ACSL5: variants seen among roughly 807,000 people sequenced by gnomAD.
The protein encoded by ACSL5 is acyl-CoA synthetase long chain family member 5.
ACSL5 carries 50 observed loss-of-function variants against 84.9 expected under a neutral mutation model. The ratio of observed to expected loss-of-function variants is 0.59; its 90% CI spans 0.47 to 0.75. The LOEUF is 0.75. Among genes scored for constraint, ACSL5 ranks in the 30% least tolerant of loss-of-function variants. ACSL5 has a pLI of 0.00. For synonymous variants in ACSL5, 280 were observed against 300.7 expected, an observed-to-expected ratio of 0.93 and a Z score of 0.71; for missense variants, 775 against 830.4, an observed-to-expected ratio of 0.93 and a Z score of 0.82.
chr10:112,405,189 G>A (rs1027518214), intron 5 of ACSL5, among the ~76,000 whole-genome samples: 2 of 152,170 alleles, frequency 1.3e-5, no homozygotes, highest in Admixed American at 6.5e-5. Flanking sequence ...AGTAAATTCA[G>A]CCATTCATTG....
chr10:112,386,445 C>G (rs1045209542), intron 1 of ACSL5, among the ~76,000 whole-genome samples: 1 of 151,988 alleles, frequency 6.6e-6, no homozygotes, highest in Non-Finnish European at 1.5e-5. Context: ...CCGCCCGCCT[C>G]GGCCTTCCAA....
At chr10:112,417,055 A>T (rs1008254855) in intron 13 of ACSL5, 33 bp downstream of exon 13, 2 of 1,603,264 alleles carry the variant, frequency 1.2e-6, no homozygotes, top group Non-Finnish European at 1.7e-6. Flanking sequence ...TGAAGCAGGC[A>T]AATACCTGGG....
At chr10:112,395,745 C>T (rs994863433) in intron 2 of ACSL5, 2 of 152,276 alleles carry the variant, frequency 1.3e-5, no homozygotes, top group Non-Finnish European at 1.5e-5. Flanking sequence ...TCCTTCTGCG[C>T]CCATGAATAT....
intron 1 of ACSL5, among the ~76,000 whole-genome samples, chr10:112,387,884 AT>A (rs1294579824): frequency 2.0e-5 from 3 of 152,124 alleles, no homozygotes; most frequent in African/African-American, 4.8e-5. Flanking sequence ...GCACAAAAAA[AT>A]AATAGTTCTC....
intron 1 of ACSL5, among the ~76,000 whole-genome samples, chr10:112,390,749 G>A (rs1849544984): frequency 6.6e-6 from 1 of 151,944 alleles, no homozygotes; most frequent in African/African-American, 2.4e-5. Flanking sequence ...AAAAAGAAAC[G>A]AAGTACAGAC....
chr10:112,419,996 T>C (rs980156193), intron 14 of ACSL5: 2 of 152,218 alleles, frequency 1.3e-5, no homozygotes, highest in African/African-American at 4.8e-5. Context: ...CAACCAACCA[T>C]GCAGAGCATG....
intron 1 of ACSL5, among the ~76,000 whole-genome samples, chr10:112,394,142 C>G (rs1424347327): frequency 1.3e-5 from 2 of 152,168 alleles, no homozygotes; most frequent in African/African-American, 4.8e-5. Flanking sequence ...ATAAGAAAGG[C>G]TGGTTTAGGG....
At chr10:112,401,849 TTCCTTC>T (rs1203245090) in intron 3 of ACSL5, among the ~76,000 whole-genome samples, 43 of 147,416 alleles carry the variant, frequency 2.9e-4, no homozygotes, top group African/African-American at 9.4e-4. Context: ...TCTTCCTTCC[TTCCTTC>T]CTTTCTTTCT....
At chr10:112,392,740 CA>C (rs566503761) in intron 1 of ACSL5, among the ~76,000 whole-genome samples, 1,835 of 117,026 alleles carry the variant, frequency 0.016, 33 homozygotes, top group African/African-American at 0.056. Context: ...GATTCTGTCT[CA>C]AAAAAAAAAA....
At chr10:112,374,873 G>A (rs1849208364) in intron 1 of ACSL5, among the ~76,000 whole-genome samples, 1 of 152,146 alleles carries the variant, frequency 6.6e-6, no homozygotes, top group African/African-American at 2.4e-5. Context: ...TGATTGGTCA[G>A]TTTCCACAGC....
chr10:112,388,429 C>T lies in ACSL5; in HGVS notation c.-29-6489C>T, dbSNP rs1442548729. ...CCAAAGTATTGATTAGGGAGCAATCCTCTCCAGATTGGCCTGAATGACTTC... is the reference window on the plus strand; with the variant it reads ...CCAAAGTATTGATTAGGGAGCAATCTTCTCCAGATTGGCCTGAATGACTTC... On this transcript the variant is annotated intron_variant, in intron 1 of 20. Coordinates refer to ENST00000354655, the MANE Select transcript of ACSL5 (RefSeq NM_203379.2). 2.6e-5 allele frequency among the ~76,000 whole-genome samples: 4 copies of T among 152,136 alleles called. 1 individual carries two copies. Among genetic ancestry groups the T allele is most frequent in the African/African-American group, 9.7e-5 (4 of 41,436 alleles).
intron 5 of ACSL5, chr10:112,406,499 C>T (rs534703991): frequency 1.3e-5 from 2 of 152,374 alleles, no homozygotes; most frequent in African/African-American, 4.8e-5. Flanking sequence ...GACAGGGAGA[C>T]AGGATTCAGT....
At chr10:112,427,108 C>T (rs1263695875) in intron 20 of ACSL5, 110 bp from the exon 21 acceptor site, 1 of 1,171,222 alleles carries the variant, frequency 8.5e-7, no homozygotes, top group Admixed American at 2.3e-5. Flanking sequence ...TTACTGTTAC[C>T]TTTACCCTTT....
rs756265893 is a variant in ACSL5 at position 112,411,478 on chromosome 10, A to G, written c.819A>G (p.Ile273Met). 6 of 1,613,798 alleles carry G rather than the reference A, an allele frequency of 3.7e-6. No individual in the cohort carries two copies. In the South Asian group the frequency reaches 6.6e-5, roughly 18 times the overall value. ...GTTGDPKGAM[I>M]THQNIVSNAA... ...CAGGTGACCCCAAAGGAGCCATGATAACCCATCAAAATATTGTTTCAAATG... is the reference window on the plus strand; with the variant it reads ...CAGGTGACCCCAAAGGAGCCATGATGACCCATCAAAATATTGTTTCAAATG... Residue 273 changes from isoleucine (I) to methionine (M), a missense_variant, in exon 10 of 21, where the codon ATA (isoleucine) becomes ATG (methionine). Physicochemically the swap from Ile to Met is conservative, Grantham distance 10. Coordinates refer to ENST00000354655, the MANE Select transcript of ACSL5 (RefSeq NM_203379.2).
chr10:112,416,888 G>T lies in ACSL5; in HGVS notation c.1084G>T (p.Val362Leu). Residue 362 changes from valine (V) to leucine (L), a missense_variant and splice_region_variant, in exon 13 of 21, where the codon GTA becomes TTA. Coordinates refer to ENST00000354655, the MANE Select transcript of ACSL5 (RefSeq NM_203379.2). ...PRLLNRIYDK[V>L]QNEAKTPLKK... The stretch of plus-strand genomic sequence containing the variant: ...ACTAAAAGGAGCTATCACTCTGCAG[G>T]TACAAAATGAGGCCAAGACACCCTT... The T allele has an allele frequency of 6.2e-7, 1 of 1,613,834 alleles. No homozygotes were observed.
chr10:112,414,101 T>C (rs534292320), intron 12 of ACSL5, among the ~76,000 whole-genome samples: 2 of 152,288 alleles, frequency 1.3e-5, no homozygotes, highest in Admixed American at 6.5e-5. Context: ...CGGCTAGTCA[T>C]GTTGATGACT....
intron 1 of ACSL5, chr10:112,376,405 C>G: frequency 6.2e-7 from 1 of 1,614,078 alleles, no homozygotes; most frequent in Middle Eastern, 1.6e-4. Context: ...AGCCGGGAAG[C>G]CCCCATTCAC....
chr10:112,386,687 C>A lies in ACSL5; in HGVS notation c.-29-8231C>A, dbSNP rs910819989. Among the ~76,000 whole-genome samples, 4 of 152,202 alleles carry A rather than the reference C, an allele frequency of 2.6e-5. No homozygotes were observed. The East Asian group carries it at 7.7e-4, about 29-fold the overall frequency. On this transcript the variant is annotated intron_variant, in intron 1 of 20. Transcript: ENST00000354655. ...TAGGGTTGCATTAAATGTATAGATACCTTTAAGGTGACAGGAACCTTGAAT... is the reference window on the plus strand; with the variant it reads ...TAGGGTTGCATTAAATGTATAGATAACTTTAAGGTGACAGGAACCTTGAAT...
rs1459689813 is a variant in ACSL5, at chr10:112,417,132, T to A, written c.1218+110T>A. On this transcript the variant is annotated intron_variant, in intron 13 of 20. Coordinates refer to ENST00000354655, the MANE Select transcript of ACSL5 (RefSeq NM_203379.2). Reference sequence around the variant, plus strand: ...TGAGCGTCACTTTAACTAGAGATCCTTTCAGACTTTGTGTCCACTGCCTTT... The same window carrying A: ...TGAGCGTCACTTTAACTAGAGATCCATTCAGACTTTGTGTCCACTGCCTTT... 7.0e-6 allele frequency: 9 copies of A among 1,283,562 alleles called. No homozygotes were observed. The African/African-American group carries it at 7.5e-5, about 11-fold the overall frequency. The allele number at this position is 1,283,562 out of a possible 1,614,324, so 79.5% of individuals were successfully genotyped here. A position where few individuals can be genotyped will look rare whatever the true frequency, so the allele number is the denominator to read the frequency against.
Sources: gnomAD v4.1 joint callset for allele counts (sites outside exome capture counted in the v4.1 genomes callset) on GRCh38, gnomAD v4.1.1 for gene constraint, MANE v1.5 for transcripts, NCBI Gene and HGNC (gene_info 2026-07-23, HGNC 2026-07-21) for gene names.